MACROD2: variants seen among roughly 807,000 people sequenced by gnomAD.
The protein encoded by MACROD2 is ADP-ribose glycohydrolase MACROD2.
Under a neutral mutation model 70.4 loss-of-function variants are expected in MACROD2, and 36 were observed. That is an observed-to-expected ratio of 0.51 (90% CI 0.39 to 0.68). The LOEUF (loss-of-function observed/expected upper bound fraction) is 0.68. Among genes scored for constraint, MACROD2 ranks in the 30% least tolerant of loss-of-function variants. The pLI, the probability that MACROD2 is intolerant of heterozygous loss-of-function variation, is 0.00. For missense variants in MACROD2, 496 were observed against 538.4 expected, an observed-to-expected ratio of 0.92 and a Z score of 0.78; for synonymous variants, 172 against 178.8, an observed-to-expected ratio of 0.96 and a Z score of 0.30.
At chr20:14,955,350 A>G (rs184504612) in intron 5 of MACROD2, among the ~76,000 whole-genome samples, 12 of 145,946 alleles carry the variant, frequency 8.2e-5, no homozygotes, top group Admixed American at 7.8e-4. Context: ...AATTTTTATT[A>G]TATATATGCT....
chr20:14,412,540 A>G (rs575690747), intron 3 of MACROD2, among the ~76,000 whole-genome samples: 1 of 152,264 alleles, frequency 6.6e-6, no homozygotes, highest in African/African-American at 2.4e-5. Context: ...CACTCATGCT[A>G]GTAATGGTGA....
chr20:14,625,855 C>A (rs1853438462), intron 4 of MACROD2, among the ~76,000 whole-genome samples: 1 of 152,108 alleles, frequency 6.6e-6, no homozygotes, highest in African/African-American at 2.4e-5. Flanking sequence ...TGGAGTCTCA[C>A]TCTATCGCCC....
At chr20:14,230,163 G>A (rs755570934) in intron 3 of MACROD2, among the ~76,000 whole-genome samples, 2 of 152,108 alleles carry the variant, frequency 1.3e-5, no homozygotes, top group Non-Finnish European at 2.9e-5. Context: ...GGTTAGGGTG[G>A]CTGTGGCAAT....
In MACROD2 at chr20:14,967,689, T is replaced by G. The variant is rs185359155; in HGVS notation, c.419-262251T>G. Among the ~76,000 whole-genome samples the G allele has an allele frequency of 2.6e-5, 4 of 152,338 alleles. No homozygotes were observed. In the East Asian group the frequency reaches 7.7e-4, roughly 29 times the overall value. On this transcript the variant is annotated intron_variant, in intron 5 of 17. Coordinates refer to ENST00000684519, the MANE Select transcript of MACROD2 (RefSeq NM_001351661.2). ...AAGTAAACTTGCCTATTCCATTTCT[T>G]ATTTTCTTATTTATCCAATTCTCTT...
rs1984328923 is a variant in MACROD2, at chr20:14,968,967, C to G, written c.419-260973C>G. 3.3e-5 allele frequency among the ~76,000 whole-genome samples: 5 copies of G among 152,216 alleles called. No homozygotes were observed. The South Asian group carries it at 1.0e-3, about 32-fold the overall frequency. On this transcript the variant is annotated intron_variant, in intron 5 of 17. Coordinates refer to ENST00000684519, the MANE Select transcript of MACROD2 (RefSeq NM_001351661.2). ...GGATTGACTATGTATTACTTTACCTCTTTTCAAAAGAACTAAGTATCTCCA... is the reference window on the plus strand; with the variant it reads ...GGATTGACTATGTATTACTTTACCTGTTTTCAAAAGAACTAAGTATCTCCA...
intron 8 of MACROD2, among the ~76,000 whole-genome samples, chr20:15,797,199 C>A (rs933704353): frequency 4.6e-5 from 7 of 152,032 alleles, no homozygotes; most frequent in African/African-American, 1.4e-4. Context: ...CTGCAAGCTC[C>A]GCCTCCCAGG....
rs141315781 is a variant in MACROD2, at chr20:15,992,402, G to A, written c.1153+5244G>A. 2.6e-3 allele frequency among the ~76,000 whole-genome samples: 390 copies of A among 152,212 alleles called. 2 individuals are homozygous for A. Among genetic ancestry groups the A allele is most frequent in the African/African-American group, 9.2e-3 (384 of 41,540 alleles). On this transcript the variant is annotated intron_variant, in intron 15 of 17. Coordinates refer to ENST00000684519, the MANE Select transcript of MACROD2 (RefSeq NM_001351661.2). ...TCTCAGGCTCCAAGCTCCTGCCTCT[G>A]GTTCTCACTTCAGCCTTTGCCATTC...
chr20:15,514,153 TAA>T (rs2047536477), intron 8 of MACROD2, among the ~76,000 whole-genome samples: 1 of 152,172 alleles, frequency 6.6e-6, no homozygotes, highest in Non-Finnish European at 1.5e-5. Flanking sequence ...AAAAATACAA[TAA>T]GTTAAAGTTA....
Position 14,414,404 on chromosome 20 carries a change from C to G in MACROD2, c.272-79075C>G, listed in dbSNP as rs1224707588. ...TGTTGGCCTAAAAATATATCCAGAA[C>G]CTGAATACTTCTGCCTGCCTCCATT... On this transcript the variant is annotated intron_variant, in intron 3 of 17. Coordinates refer to ENST00000684519, the MANE Select transcript of MACROD2 (RefSeq NM_001351661.2). 1.2e-4 allele frequency among the ~76,000 whole-genome samples: 18 copies of G among 152,266 alleles called. No homozygotes were observed. In the East Asian group the frequency reaches 3.5e-3, roughly 29 times the overall value.
chr20:14,627,276 A>G (rs763435609), intron 4 of MACROD2, among the ~76,000 whole-genome samples: 3 of 152,094 alleles, frequency 2.0e-5, no homozygotes, highest in Non-Finnish European at 4.4e-5. Flanking sequence ...AATTCTCTCA[A>G]TGGGAATTGG....
chr20:14,882,280 C>G (rs1350713295), intron 5 of MACROD2, among the ~76,000 whole-genome samples: 2 of 152,180 alleles, frequency 1.3e-5, no homozygotes, highest in Non-Finnish European at 1.5e-5. Context: ...TTGCAACTAT[C>G]CCATTCCCTG....
chr20:14,669,996 A>T (rs1050367661), intron 4 of MACROD2, among the ~76,000 whole-genome samples: 1 of 152,002 alleles, frequency 6.6e-6, no homozygotes, highest in African/African-American at 2.4e-5. Flanking sequence ...CTCTGCCTGG[A>T]TGGAGGAACG....
At chr20:15,696,044 T>C (rs905951303) in intron 8 of MACROD2, among the ~76,000 whole-genome samples, 5 of 152,232 alleles carry the variant, frequency 3.3e-5, no homozygotes, top group Admixed American at 6.5e-5. Flanking sequence ...TTCTTTCTCT[T>C]GTCTGATTGC....
At chr20:14,020,302 G>A (rs887380347) in intron 2 of MACROD2, among the ~76,000 whole-genome samples, 9 of 152,020 alleles carry the variant, frequency 5.9e-5, no homozygotes, top group Admixed American at 3.3e-4. Flanking sequence ...GAGAAACCCC[G>A]TCCCTACTAA....
At chr20:14,794,301 T>C (rs1464672113) in intron 5 of MACROD2, among the ~76,000 whole-genome samples, 1 of 152,150 alleles carries the variant, frequency 6.6e-6, no homozygotes, top group East Asian at 1.9e-4. Flanking sequence ...CTACTTACTA[T>C]GTCACCATTG....
intron 13 of MACROD2, among the ~76,000 whole-genome samples, chr20:15,976,502 C>T (rs900444353): frequency 6.6e-6 from 1 of 152,304 alleles, no homozygotes; most frequent in South Asian, 2.1e-4. Flanking sequence ...AAACATAAAG[C>T]TTGCCCCCAT....
chr20:14,302,497 TC>T (rs1174086436), intron 3 of MACROD2, among the ~76,000 whole-genome samples: 1 of 152,178 alleles, frequency 6.6e-6, no homozygotes, highest in Non-Finnish European at 1.5e-5. Context: ...GTTTGGTACT[TC>T]CTTGAGATTT....
At chr20:14,034,725 G>C (rs961371071) in intron 2 of MACROD2, among the ~76,000 whole-genome samples, 4 of 152,152 alleles carry the variant, frequency 2.6e-5, no homozygotes, top group African/African-American at 9.7e-5. Flanking sequence ...GCACTTACAT[G>C]GGCTAGGCAC....
intron 3 of MACROD2, among the ~76,000 whole-genome samples, chr20:14,093,170 T>G (rs535733653): frequency 6.6e-6 from 1 of 152,206 alleles, no homozygotes; most frequent in South Asian, 2.1e-4. Context: ...AGGCTTGAGC[T>G]CCTGAGCTCA....
Sources: allele counts gnomAD v4.1 joint callset (sites outside exome capture counted in the v4.1 genomes callset), GRCh38; gene constraint gnomAD v4.1.1; transcripts MANE v1.5; gene names NCBI Gene and HGNC (gene_info 2026-07-23, HGNC 2026-07-21).